Variants in BNIP1 observed in about 807,000 individuals in gnomAD.
The protein encoded by BNIP1 is BCL2 interacting protein 1, also known as vesicle transport protein SEC20.
BNIP1 carries 25 observed loss-of-function variants against 28.5 expected under a neutral mutation model. The observed-to-expected ratio is 0.88, with a 90% CI of 0.64 to 1.23. BNIP1 has a LOEUF of 1.23. Ranked by LOEUF, BNIP1 falls within the 50% of genes most tolerant of loss-of-function variation. The probability of loss-of-function intolerance (pLI) is 0.00; values close to 1 mark genes in which losing one functional copy is unlikely to be tolerated. For synonymous variants in BNIP1, 118 were observed against 101.7 expected (o/e 1.16, Z -0.96); for missense variants, 276 against 277.0 (o/e 1.00, Z 0.02).
rs1006738590 is a variant in BNIP1, at chr5:173,144,571, T to C, written c.26T>C (p.Val9Ala). Reference protein sequence around the residue: MAAPQDVHVRICNQEIVKF... With the variant: MAAPQDVHARICNQEIVKF... ...ATGGCGGCTCCCCAAGACGTCCACG[T>C]CCGGATCTGTAACCAAGAGATTGTC... Residue 9 changes from valine to alanine, a missense_variant, in exon 1 of 6, where the codon GTC becomes GCC. Transcript: ENST00000351486. The C allele has an allele frequency of 1.9e-6, 3 of 1,614,150 alleles. No homozygotes were observed. The highest frequency in any genetic ancestry group is 2.7e-5 in the African/African-American group (2 of 75,038).
At chr5:173,147,550 T>C (rs1561592964) in intron 2 of BNIP1, among the ~76,000 whole-genome samples, 1 of 151,790 alleles carries the variant, frequency 6.6e-6, no homozygotes, top group Non-Finnish European at 1.5e-5. Flanking sequence ...TTCTACCCTA[T>C]TCATTCATTC....
rs868863842 is a variant in BNIP1 at position 173,163,911 on chromosome 5, C to T, written c.677C>T (p.Pro226Leu). The change falls in exon 6 of 6, where the codon CCA (proline) becomes CTA (leucine). Residue 226 changes from proline (P) to leucine (L), a missense_variant. Pro to Leu is a moderately conservative substitution (Grantham distance 98). Coordinates refer to ENST00000351486, the MANE Select transcript of BNIP1 (RefSeq NM_001205.3). Reference sequence around the variant, plus strand: ...TATATTGTGAAAAAGCGGCTCTTTCCATTTTTGTGAGATCCCAAAGGTGCC... The same window carrying T: ...TATATTGTGAAAAAGCGGCTCTTTCTATTTTTGTGAGATCCCAAAGGTGCC... ...VLYIVKKRLFPFL is the reference protein window; with the variant it reads ...VLYIVKKRLFLFL 1.9e-6 allele frequency: 3 copies of T among 1,601,866 alleles called. No homozygotes were observed. Among genetic ancestry groups the T allele is most frequent in the Non-Finnish European group, 1.7e-6 (2 of 1,174,094 alleles).
intron 2 of BNIP1, 106 bp from the exon 3 acceptor site, chr5:173,154,216 G>A: frequency 1.1e-6 from 1 of 884,172 alleles, no homozygotes; most frequent in South Asian, 1.6e-5. Context: ...TGTTTTAAAA[G>A]GGTGCTTCAA....
intron 5 of BNIP1, chr5:173,160,960 G>C (rs1020678323): frequency 7.3e-6 from 3 of 413,266 alleles, no homozygotes; most frequent in South Asian, 1.7e-5. Flanking sequence ...TTCAGTATAA[G>C]ACAACAGAAA....
chr5:173,157,045 C>T (rs1760222166), intron 3 of BNIP1, among the ~76,000 whole-genome samples: 1 of 152,084 alleles, frequency 6.6e-6, no homozygotes, highest in Admixed American at 6.5e-5. Flanking sequence ...GCTTGTCACA[C>T]CATACAGTGA....
At chr5:173,154,300 A>G in intron 2 of BNIP1, 22 bp from the exon 3 acceptor site, 27 of 1,601,050 alleles carry the variant, frequency 1.7e-5, no homozygotes, top group Non-Finnish European at 2.2e-5. Flanking sequence ...TCATTTTAAC[A>G]TGGAATTATT....
Position 173,150,845 on chromosome 5 carries a change from TG to T in BNIP1, c.178-3476del, listed in dbSNP as rs201944640. On this transcript the variant is annotated intron_variant, in intron 2 of 5. Transcript: ENST00000351486. Reference sequence around the variant, plus strand: ...TAAAAACTTTATACTTTTGTTTTTTTGTTTTTTTTTAAGACGGAGTCTGGCT... The same window carrying T: ...TAAAAACTTTATACTTTTGTTTTTTTTTTTTTTTTAAGACGGAGTCTGGCT... Among the ~76,000 whole-genome samples, 824 of 151,980 alleles carry T rather than the reference TG, an allele frequency of 5.4e-3. 8 individuals carry two copies. Among genetic ancestry groups the T allele is most frequent in the African/African-American group, 0.018 (762 of 41,386 alleles).
chr5:173,146,764 T>C (rs29798), intron 1 of BNIP1, 102 bp from the exon 2 acceptor site: 472,883 of 735,690 alleles, frequency 0.64, 156,335 homozygotes, highest in African/African-American at 0.72. Context: ...ATAGTTAGTA[T>C]GTTAATATTA....
chr5:173,163,542 G>A (rs554152602), intron 5 of BNIP1, among the ~76,000 whole-genome samples, 183 bp from the exon 6 acceptor site: 5 of 152,318 alleles, frequency 3.3e-5, no homozygotes, highest in East Asian at 1.9e-4. Context: ...CTCTGGAGCT[G>A]ATGGGACCTG....
At chr5:173,150,664 T>C (rs1274188024) in intron 2 of BNIP1, among the ~76,000 whole-genome samples, 1 of 152,184 alleles carries the variant, frequency 6.6e-6, no homozygotes, top group Non-Finnish European at 1.5e-5. Flanking sequence ...CCCAGTTTTG[T>C]TTTTTGTTCC....
In BNIP1 at chr5:173,144,537, G is replaced by A; in HGVS notation, c.-9G>A. On this transcript the variant is annotated 5_prime_UTR_variant, in exon 1 of 6. Coordinates refer to ENST00000351486, the MANE Select transcript of BNIP1 (RefSeq NM_001205.3). ...GGTCCTGCCGCTGCCCGTAGCCGGC[G>A]TCCCCAACATGGCGGCTCCCCAAGA... 6.2e-7 allele frequency: 1 copy of A among 1,613,978 alleles called. No homozygotes were observed. The highest frequency in any genetic ancestry group is 2.2e-5 in the East Asian group (1 of 44,874).
Position 173,154,429 on chromosome 5 carries a change from C to G in BNIP1, c.269+16C>G. 1 of 1,602,392 alleles carries G rather than the reference C, an allele frequency of 6.2e-7. No homozygotes were observed. The highest frequency in any genetic ancestry group is 8.5e-7 in the Non-Finnish European group (1 of 1,172,528). Reference sequence around the variant, plus strand: ...AGATGCTCAGGTAGGCAGGGCCTGCCCCCGCCAGCGGCTTCTGCTGGCTCT... The same window carrying G: ...AGATGCTCAGGTAGGCAGGGCCTGCGCCCGCCAGCGGCTTCTGCTGGCTCT... On this transcript the variant is annotated intron_variant, in intron 3 of 5. Coordinates refer to ENST00000351486, the MANE Select transcript of BNIP1 (RefSeq NM_001205.3).
At position 173,160,523 on chromosome 5, in the gene BNIP1, C is replaced by T. The variant is rs990543287; in HGVS notation, c.490+472C>T. On this transcript the variant is annotated intron_variant, in intron 5 of 5. Coordinates refer to ENST00000351486, the MANE Select transcript of BNIP1 (RefSeq NM_001205.3). ...TGCTGGGATTATAGGCGTGAGATGC[C>T]ACGCCCGGCCCGTATTTCTGTTTAC... Among the ~76,000 whole-genome samples the T allele has an allele frequency of 3.9e-5, 6 of 152,156 alleles. No individual in the cohort carries two copies. In the East Asian group the frequency reaches 1.2e-3, roughly 29 times the overall value.
chr5:173,154,991 T>C lies in BNIP1; in HGVS notation c.269+578T>C, dbSNP rs143391031. ...ATTGTATATTTTTAATCAAAAAATATGATTGCTTTTGTAATACAGGGTCAT... is the reference window on the plus strand; with the variant it reads ...ATTGTATATTTTTAATCAAAAAATACGATTGCTTTTGTAATACAGGGTCAT... On this transcript the variant is annotated intron_variant, in intron 3 of 5. Coordinates refer to ENST00000351486, the MANE Select transcript of BNIP1 (RefSeq NM_001205.3). 5.9e-3 allele frequency among the ~76,000 whole-genome samples: 893 copies of C among 152,338 alleles called. 8 individuals are homozygous for C. Among genetic ancestry groups the C allele is most frequent in the Middle Eastern group, 0.027 (8 of 294 alleles).
intron 2 of BNIP1, among the ~76,000 whole-genome samples, chr5:173,149,859 AT>A (rs1759965957): frequency 1.3e-5 from 2 of 152,120 alleles, no homozygotes; most frequent in Admixed American, 1.3e-4. Context: ...ATCCACCCCC[AT>A]GATCCAAACA....
At chr5:173,158,985 T>A (rs911775023) in intron 4 of BNIP1, 140 bp downstream of exon 4, 1 of 585,286 alleles carries the variant, frequency 1.7e-6, no homozygotes, top group Non-Finnish European at 3.0e-6. Context: ...AAATGCATAC[T>A]TATTTGTAGT....
At chr5:173,160,476 C>T (rs1004607228) in intron 5 of BNIP1, among the ~76,000 whole-genome samples, 5 of 152,116 alleles carry the variant, frequency 3.3e-5, no homozygotes, top group South Asian at 2.1e-4. Flanking sequence ...TCAGGTGATC[C>T]GCCTGCCTCA....
chr5:173,153,613 G>A (rs1305700545), intron 2 of BNIP1, among the ~76,000 whole-genome samples: 1 of 152,188 alleles, frequency 6.6e-6, no homozygotes, highest in Non-Finnish European at 1.5e-5. Flanking sequence ...AGTGGAAGGA[G>A]CAGCTCCCTG....
At chr5:173,151,876 TTAAG>T (rs1176072115) in intron 2 of BNIP1, among the ~76,000 whole-genome samples, 1 of 152,272 alleles carries the variant, frequency 6.6e-6, no homozygotes, top group East Asian at 1.9e-4. Context: ...TCTGCGTTTC[TTAAG>T]TATTTACATA....
Sources: gnomAD v4.1 joint callset for allele counts (sites outside exome capture counted in the v4.1 genomes callset) on GRCh38, gnomAD v4.1.1 for gene constraint, MANE v1.5 for transcripts, NCBI Gene and HGNC (gene_info 2026-07-23, HGNC 2026-07-21) for gene names.